The following HPGD variants were observed in gnomAD, a reference collection of about 807,000 sequenced individuals.
HPGD encodes the protein 15-hydroxyprostaglandin dehydrogenase [NAD(+)].
A neutral mutation model predicts 30.0 loss-of-function variants in HPGD; 29 were observed. The observed-to-expected ratio is 0.97, with a 90% CI of 0.72 to 1.32. The LOEUF (loss-of-function observed/expected upper bound fraction) is 1.32. Ranked by LOEUF, HPGD falls within the 40% of genes most tolerant of loss-of-function variation. HPGD has a pLI of 0.00. For missense variants in HPGD, 340 were observed against 322.1 expected, an observed-to-expected ratio of 1.06 and a Z score of -0.43; for synonymous variants, 99 against 112.4, an observed-to-expected ratio of 0.88 and a Z score of 0.75.
rs1338593957 is a variant in HPGD, at chr4:174,515,205, C to T, written c.324+2766G>A. On this transcript the variant is annotated intron_variant, in intron 3 of 6. Coordinates refer to ENST00000296522, the MANE Select transcript of HPGD (RefSeq NM_000860.6). Reference sequence around the variant, plus strand: ...GGAATCCAAAAAGAGTCAGAATAGTCAAAGCAATTCTAAGTAAAATGAACA... The same window carrying T: ...GGAATCCAAAAAGAGTCAGAATAGTTAAAGCAATTCTAAGTAAAATGAACA... Among the ~76,000 whole-genome samples the T allele has an allele frequency of 2.0e-5, 3 of 151,982 alleles. No individual in the cohort carries two copies. In the South Asian group the frequency reaches 6.2e-4, roughly 32 times the overall value.
chr4:174,513,861 C>T (rs1735640149), intron 3 of HPGD, among the ~76,000 whole-genome samples: 1 of 151,740 alleles, frequency 6.6e-6, no homozygotes. Context: ...ATTTAAAAAT[C>T]AATAAATTGC....
chr4:174,518,835 G>T (rs1735927508), intron 2 of HPGD, among the ~76,000 whole-genome samples: 1 of 152,150 alleles, frequency 6.6e-6, no homozygotes, highest in Non-Finnish European at 1.5e-5. Context: ...TCTCAAAGCA[G>T]CCTTTGACAG....
intron 5 of HPGD, 163 bp from the exon 6 acceptor site, chr4:174,493,477 AC>A: frequency 1.6e-6 from 1 of 643,516 alleles, no homozygotes; most frequent in Non-Finnish European, 2.7e-6. Context: ...AATAACACAT[AC>A]ATAAAGTATT....
intron 2 of HPGD, among the ~76,000 whole-genome samples, chr4:174,518,819 A>G (rs1178223731): frequency 6.6e-6 from 1 of 152,162 alleles, no homozygotes; most frequent in Non-Finnish European, 1.5e-5. Context: ...TCACATGTCT[A>G]TTGTTTCTCA....
At position 174,522,065 on chromosome 4, in the gene HPGD, T is replaced by C. The variant is rs775450246; in HGVS notation, c.96A>G (p.Val32=). ...AEALLLKGAK[V]ALVDWNLEAG... is the part of the protein sequence containing the mutation. ...CTTCAAGATTCCAATCCACCAGCGC[T>C]ACCTATAGACAAGAGGAGAGGAATC... The change falls in exon 2 of 7, where the codon GTA becomes GTG. Residue 32 remains valine, a splice_region_variant and synonymous_variant. Transcript: ENST00000296522. 14 of 1,614,042 alleles carry C rather than the reference T, an allele frequency of 8.7e-6. No individual in the cohort carries two copies. Among genetic ancestry groups the C allele is most frequent in the African/African-American group, 4.0e-5 (3 of 74,938 alleles).
At chr4:174,501,703 T>A (rs1453849616) in intron 4 of HPGD, among the ~76,000 whole-genome samples, 1 of 152,050 alleles carries the variant, frequency 6.6e-6, no homozygotes, top group Non-Finnish European at 1.5e-5. Context: ...GACGAAATAA[T>A]ATATATAGCA....
intron 3 of HPGD, among the ~76,000 whole-genome samples, chr4:174,516,099 C>T (rs1447496766): frequency 1.3e-5 from 2 of 152,128 alleles, no homozygotes; most frequent in African/African-American, 4.8e-5. Flanking sequence ...TCTCGAAGAA[C>T]TTAAAACAGA....
intron 2 of HPGD, 120 bp downstream of exon 2, chr4:174,521,824 A>T: frequency 2.6e-6 from 3 of 1,143,306 alleles, no homozygotes; most frequent in Non-Finnish European, 3.9e-6. Flanking sequence ...TGGAGCTTCA[A>T]GGTAGCTGCT....
intron 3 of HPGD, among the ~76,000 whole-genome samples, chr4:174,510,456 T>C (rs984997113): frequency 6.6e-6 from 1 of 152,256 alleles, no homozygotes; most frequent in Non-Finnish European, 1.5e-5. Context: ...TTTCTGTTCA[T>C]GCGTATTGGC....
intron 3 of HPGD, among the ~76,000 whole-genome samples, chr4:174,516,000 T>A (rs1735750855): frequency 6.6e-6 from 1 of 152,154 alleles, no homozygotes; most frequent in Non-Finnish European, 1.5e-5. Flanking sequence ...GATGTTGGCT[T>A]GGCGAGGCTG....
chr4:174,516,145 T>C (rs1284767709), intron 3 of HPGD, among the ~76,000 whole-genome samples: 1 of 152,178 alleles, frequency 6.6e-6, no homozygotes, highest in East Asian at 1.9e-4. Context: ...TTACTGGGTA[T>C]ATACCCAAAG....
In HPGD at chr4:174,522,394, C is replaced by A; in HGVS notation, c.58G>T (p.Ala20Ser). The A allele has an allele frequency of 6.3e-7, 1 of 1,580,178 alleles. No homozygotes were observed. The change falls in exon 1 of 7, where the codon GCC becomes TCC. Residue 20 changes from alanine to serine, a missense_variant. By Grantham distance (99) the Ala-to-Ser change is moderately conservative. Transcript: ENST00000296522. ...TTAAGCAGCAGCGCCTCTGCAAAGGCTCTGCCTATGCCCTGAGCCGCGCCG... is the reference window on the plus strand; with the variant it reads ...TTAAGCAGCAGCGCCTCTGCAAAGGATCTGCCTATGCCCTGAGCCGCGCCG... ...VTGAAQGIGR[A>S]FAEALLLKGA...
In HPGD at chr4:174,491,980, A is replaced by T. The variant is rs1287586027; in HGVS notation, c.777T>A (p.Thr259=). The stretch of plus-strand genomic sequence containing the variant: ...TTCATTGGGTTTTTGCTTGAAATGG[A>T]GTTGTATCATAGTCTTGAAAATGAA... The part of the protein sequence containing the change: ...KGIHFQDYDT[T]PFQAKTQ The change falls in exon 7 of 7, where the codon ACT becomes ACA. Residue 259 remains threonine (T), a synonymous_variant. Transcript: ENST00000296522. 1.2e-6 allele frequency: 2 copies of T among 1,611,964 alleles called. No homozygotes were observed. Among genetic ancestry groups the T allele is most frequent in the African/African-American group, 2.7e-5 (2 of 74,846 alleles).
chr4:174,517,068 T>C (rs991227713), intron 3 of HPGD, among the ~76,000 whole-genome samples: 2 of 152,208 alleles, frequency 1.3e-5, no homozygotes, highest in Non-Finnish European at 2.9e-5. Context: ...TTGGTGAGAA[T>C]GACCTTAGCA....
intron 4 of HPGD, among the ~76,000 whole-genome samples, chr4:174,506,123 G>A (rs922651421): frequency 2.0e-5 from 3 of 152,146 alleles, no homozygotes; most frequent in Non-Finnish European, 2.9e-5. Flanking sequence ...TGAGCGGGAT[G>A]ACAAAGCAAG....
At position 174,493,527 on chromosome 4, in the gene HPGD, T is replaced by A. The variant is rs13132689; in HGVS notation, c.499-213A>T. On this transcript the variant is annotated intron_variant, in intron 5 of 6. Coordinates refer to ENST00000296522, the MANE Select transcript of HPGD (RefSeq NM_000860.6). ...AAAATCTCACCTAATTAATTTTTTT[T>A]AAAAATCAGTATTACTGGACAACTC... 0.18 allele frequency: 88,333 copies of A among 484,810 alleles called. 10,465 individuals carry two copies. Among genetic ancestry groups the A allele is most frequent in the East Asian group, 0.54 (13,642 of 25,150 alleles). 30.0% of individuals were successfully genotyped at this position (484,810 alleles called of 1,614,324 possible). A position where few individuals can be genotyped will look rare whatever the true frequency, so the allele number is the denominator to read the frequency against.
At chr4:174,500,646 G>T (rs758994284) in intron 4 of HPGD, among the ~76,000 whole-genome samples, 2 of 152,172 alleles carry the variant, frequency 1.3e-5, no homozygotes, top group Non-Finnish European at 2.9e-5. Flanking sequence ...AACCTGAAAA[G>T]GCTACATACT....
intron 4 of HPGD, among the ~76,000 whole-genome samples, chr4:174,499,985 A>C (rs1734825787): frequency 6.7e-6 from 1 of 149,216 alleles, no homozygotes; most frequent in African/African-American, 2.5e-5. Flanking sequence ...ACACACTCAA[A>C]TTTAAAATAC....
intron 2 of HPGD, among the ~76,000 whole-genome samples, chr4:174,519,666 G>T (rs1309910524): frequency 6.6e-6 from 1 of 152,078 alleles, no homozygotes; most frequent in African/African-American, 2.4e-5. Flanking sequence ...GGCTCAAAAA[G>T]CTCCACCACT....
Sources: allele counts gnomAD v4.1 joint callset (sites outside exome capture counted in the v4.1 genomes callset), GRCh38; gene constraint gnomAD v4.1.1; transcripts MANE v1.5; gene names NCBI Gene and HGNC (gene_info 2026-07-23, HGNC 2026-07-21).